SWT1: variants seen among roughly 807,000 people sequenced by gnomAD.
SWT1 encodes the protein transcriptional protein SWT1.
Under a neutral mutation model 107.3 loss-of-function variants are expected in SWT1, and 33 were observed. The ratio of observed to expected loss-of-function variants is 0.31; its 90% confidence interval spans 0.23 to 0.41. The LOEUF is 0.41. Ranked by LOEUF, SWT1 falls within the 10% of genes least tolerant of loss-of-function variation. The pLI is 1.00. For synonymous variants in SWT1, 345 were observed against 348.3 expected (o/e 0.99, Z 0.11); for missense variants, 898 against 1,028.9 (o/e 0.87, Z 1.74).
chr1:185,188,436 C>A (rs920705328), intron 9 of SWT1, among the ~76,000 whole-genome samples: 2 of 152,140 alleles, frequency 1.3e-5, no homozygotes, highest in African/African-American at 4.8e-5. Context: ...ATGGCATTTA[C>A]CCTCTGAATT....
chr1:185,181,006 G>GC (rs1435495455), intron 6 of SWT1, among the ~76,000 whole-genome samples: 68 of 152,316 alleles, frequency 4.5e-4, no homozygotes, highest in African/African-American at 1.6e-3. Context: ...CGTGGCTCAA[G>GC]CCTGTAATCC....
chr1:185,248,513 T>A (rs149554416), intron 16 of SWT1, among the ~76,000 whole-genome samples: 1 of 152,288 alleles, frequency 6.6e-6, no homozygotes, highest in East Asian at 1.9e-4. Flanking sequence ...GCTGGAATGA[T>A]TCACCTGGTG....
At chr1:185,260,254 G>A (rs1210973979) in intron 16 of SWT1, among the ~76,000 whole-genome samples, 1 of 152,100 alleles carries the variant, frequency 6.6e-6, no homozygotes, top group Non-Finnish European at 1.5e-5. Flanking sequence ...GGAGAACAAA[G>A]GATAAGGGTA....
chr1:185,289,300 C>T (rs370622637), intron 18 of SWT1, among the ~76,000 whole-genome samples: 1 of 152,150 alleles, frequency 6.6e-6, no homozygotes, highest in East Asian at 1.9e-4. Context: ...TGGTGTGATT[C>T]CTAGAATTCT....
chr1:185,227,662 A>G, intron 15 of SWT1: 1 of 616,118 alleles, frequency 1.6e-6, no homozygotes, highest in South Asian at 1.4e-5. Flanking sequence ...GGTATCTCTT[A>G]AAGTAGGCCT....
chr1:185,251,530 A>G (rs537816578), intron 16 of SWT1: 1 of 152,062 alleles, frequency 6.6e-6, no homozygotes, highest in African/African-American at 2.4e-5. Flanking sequence ...TCAATTTCTT[A>G]TTGTAATGCT....
At chr1:185,162,527 A>G (rs1654237119) in intron 2 of SWT1, among the ~76,000 whole-genome samples, 1 of 152,120 alleles carries the variant, frequency 6.6e-6, no homozygotes, top group African/African-American at 2.4e-5. Flanking sequence ...TCTTTCAGGT[A>G]CCCAGGCTTC....
chr1:185,270,618 A>G (rs748542931), intron 16 of SWT1, among the ~76,000 whole-genome samples: 1 of 152,148 alleles, frequency 6.6e-6, no homozygotes, highest in Non-Finnish European at 1.5e-5. Flanking sequence ...CTGAGGTGGA[A>G]GGATTGCTTG....
At chr1:185,211,114 T>C (rs1333348829) in intron 13 of SWT1, among the ~76,000 whole-genome samples, 1 of 152,230 alleles carries the variant, frequency 6.6e-6, no homozygotes, top group East Asian at 1.9e-4. Context: ...ATGGCCATAC[T>C]GCCCAAAGTA....
At chr1:185,163,518 C>T (rs1654331042) in intron 2 of SWT1, among the ~76,000 whole-genome samples, 2 of 152,030 alleles carry the variant, frequency 1.3e-5, no homozygotes, top group Middle Eastern at 3.4e-3. Flanking sequence ...CTCAGCCTCC[C>T]AAGTAGATGG....
chr1:185,269,699 A>G (rs1439401273), intron 16 of SWT1, among the ~76,000 whole-genome samples: 1 of 152,196 alleles, frequency 6.6e-6, no homozygotes, highest in Non-Finnish European at 1.5e-5. Flanking sequence ...CTAAAAGTTA[A>G]CCGAAGTGGC....
rs1320125417 is a variant in SWT1, at chr1:185,190,652, A to C, written c.1523+10A>C. On this transcript the variant is annotated intron_variant, in intron 10 of 18. Transcript: ENST00000367500. ...TTGTTATTCTGTGCACGTGAGTTTCATAGTCATTTGACTTTTTATTTTTAA... is the reference window on the plus strand; with the variant it reads ...TTGTTATTCTGTGCACGTGAGTTTCCTAGTCATTTGACTTTTTATTTTTAA... The C allele has an allele frequency of 2.6e-6, 4 of 1,515,130 alleles. No individual in the cohort carries two copies. Among genetic ancestry groups the C allele is most frequent in the East Asian group, 2.3e-5 (1 of 44,372 alleles). 93.9% of individuals were successfully genotyped at this position (1,515,130 alleles called of 1,614,324 possible).
At chr1:185,273,032 C>CA (rs577581953) in intron 17 of SWT1, among the ~76,000 whole-genome samples, 168 of 135,588 alleles carry the variant, frequency 1.2e-3, no homozygotes, top group East Asian at 4.4e-3. Context: ...GACCCTGTCT[C>CA]AAAAAAAAAA....
intron 10 of SWT1, among the ~76,000 whole-genome samples, chr1:185,200,285 T>C (rs1445726382): frequency 6.6e-6 from 1 of 152,142 alleles, no homozygotes; most frequent in African/African-American, 2.4e-5. Context: ...AGTTTTTTTC[T>C]CTTGTTGGTG....
At chr1:185,286,424 C>G (rs1366997952) in intron 18 of SWT1, among the ~76,000 whole-genome samples, 4 of 152,106 alleles carry the variant, frequency 2.6e-5, no homozygotes, top group Admixed American at 1.3e-4. Flanking sequence ...CGGGGTTTCA[C>G]CATGTTGGCC....
intron 10 of SWT1, among the ~76,000 whole-genome samples, chr1:185,197,490 G>T (rs1227789523): frequency 6.6e-5 from 10 of 152,194 alleles, no homozygotes; most frequent in Non-Finnish European, 1.0e-4. Flanking sequence ...TTAGGGAGGA[G>T]TCCCTCTTTT....
chr1:185,174,560 C>G lies in SWT1; in HGVS notation c.413C>G (p.Thr138Arg). The G allele has an allele frequency of 2.5e-6, 4 of 1,607,064 alleles. No homozygotes were observed. The highest frequency in any genetic ancestry group is 3.4e-6 in the Non-Finnish European group (4 of 1,178,086). Reference sequence around the variant, plus strand: ...TTTAAACCTAAAGATATCAAATTGACAAATGCTGGGAGCAAGCTTGACCAT... The same window carrying G: ...TTTAAACCTAAAGATATCAAATTGAGAAATGCTGGGAGCAAGCTTGACCAT... The part of the protein sequence containing the change: ...VDFKPKDIKL[T>R]NAGSKLDHGI... The change falls in exon 5 of 19, where the codon ACA becomes AGA. Residue 138 changes from threonine (T) to arginine (R), a missense_variant. By Grantham distance (71) the Thr-to-Arg change is moderately conservative. This residue lies in a region of SWT1 where 382 missense variants were observed against 362.4 expected (regional missense o/e 1.05). Transcript: ENST00000367500.
intron 14 of SWT1, among the ~76,000 whole-genome samples, chr1:185,216,570 G>T (rs995024591): frequency 6.6e-6 from 1 of 152,104 alleles, no homozygotes; most frequent in African/African-American, 2.4e-5. Flanking sequence ...CAGATGGGAG[G>T]TACCATGAAA....
At chr1:185,173,924 G>A (rs1362963908) in intron 4 of SWT1, among the ~76,000 whole-genome samples, 1 of 152,044 alleles carries the variant, frequency 6.6e-6, no homozygotes, top group African/African-American at 2.4e-5. Context: ...TAGTCTGGGA[G>A]GTAGAAGGAT....
Sources: gnomAD v4.1 joint callset for allele counts (sites outside exome capture counted in the v4.1 genomes callset) on GRCh38, gnomAD v4.1.1 for gene constraint, gnomAD v4.1.1 regional missense constraint, MANE v1.5 for transcripts, NCBI Gene and HGNC (gene_info 2026-07-23, HGNC 2026-07-21) for gene names.